The following CADM2 variants were observed in gnomAD, a reference collection of about 807,000 sequenced individuals.
The protein encoded by CADM2 is immunoglobulin superfamily member 4D.
In CADM2, 12 loss-of-function variants were observed where a neutral mutation model predicts 49.8. The observed-to-expected ratio is 0.24, with a 90% CI of 0.15 to 0.39. The LOEUF is 0.39. Ranked by LOEUF, CADM2 falls within the 10% of genes least tolerant of loss-of-function variation. CADM2 has a pLI of 1.00. For missense variants in CADM2, 378 were observed against 492.3 expected (o/e 0.77, Z 2.20); for synonymous variants, 214 against 175.4 (o/e 1.22, Z -1.74).
intron 1 of CADM2, among the ~76,000 whole-genome samples, chr3:84,982,305 C>CA (rs1227052528): frequency 1.3e-5 from 2 of 151,968 alleles, no homozygotes; most frequent in Middle Eastern, 3.5e-3. Flanking sequence ...AAATGGACTC[C>CA]AAATTTTAGT....
chr3:85,367,539 A>C (rs2032874048), intron 1 of CADM2, among the ~76,000 whole-genome samples: 1 of 151,876 alleles, frequency 6.6e-6, no homozygotes, highest in African/African-American at 2.4e-5. Context: ...ATTCCCAGGA[A>C]AATGCCTGAC....
At chr3:85,649,239 A>C (rs2064976815) in intron 1 of CADM2, among the ~76,000 whole-genome samples, 1 of 152,150 alleles carries the variant, frequency 6.6e-6, no homozygotes, top group East Asian at 1.9e-4. Flanking sequence ...ATCACTTTCT[A>C]ATGAAACCAC....
At chr3:85,740,997 T>G (rs1456507867) in intron 2 of CADM2, among the ~76,000 whole-genome samples, 2 of 152,162 alleles carry the variant, frequency 1.3e-5, no homozygotes, top group Non-Finnish European at 2.9e-5. Context: ...TCTTTCTTTC[T>G]CCAAATGAAC....
At position 85,633,529 on chromosome 3, in the gene CADM2, C is replaced by T. The variant is rs369264995; in HGVS notation, c.62-92993C>T. Among the ~76,000 whole-genome samples, 14 of 152,140 alleles carry T rather than the reference C, an allele frequency of 9.2e-5. No individual in the cohort carries two copies. The East Asian group carries it at 2.3e-3, about 25-fold the overall frequency. On this transcript the variant is annotated intron_variant, in intron 1 of 9. Transcript: ENST00000383699. ...AAACAATACTAATGTCCAGGCCCCTCACAAACCAATTAGATCTGAATTTTT... is the reference window on the plus strand; with the variant it reads ...AAACAATACTAATGTCCAGGCCCCTTACAAACCAATTAGATCTGAATTTTT...
intron 1 of CADM2, among the ~76,000 whole-genome samples, chr3:85,534,356 C>G (rs59491876): frequency 0.51 from 77,909 of 151,990 alleles, 23,044 homozygotes; most frequent in East Asian, 0.85. Context: ...TAAATATCCA[C>G]CTCCTCATTT....
intron 2 of CADM2, among the ~76,000 whole-genome samples, chr3:85,757,980 C>G (rs2107889295): frequency 6.6e-6 from 1 of 152,162 alleles, no homozygotes; most frequent in South Asian, 2.1e-4. Flanking sequence ...GTACCACAGA[C>G]CAACAGATGG....
chr3:85,747,631 G>A lies in CADM2; in HGVS notation c.88+21083G>A, dbSNP rs6788960. On this transcript the variant is annotated intron_variant, in intron 2 of 9. Transcript: ENST00000383699. ...CTATGATGTTCTGGTGCCTTATAAA[G>A]AGGATACTAAATGGGTATGACAGCA... Among the ~76,000 whole-genome samples the A allele has an allele frequency of 2.5e-3, 375 of 152,194 alleles. 1 individual carries two copies. The highest frequency in any genetic ancestry group is 8.8e-3 in the African/African-American group (364 of 41,548).
rs1302141172 is a variant in CADM2, at chr3:86,067,573, A to C, written c.*790A>C. On this transcript the variant is annotated 3_prime_UTR_variant, in exon 10 of 10. Transcript: ENST00000383699. The stretch of plus-strand genomic sequence containing the variant: ...ATTCATTTCTCTAATTTGATTCTAT[A>C]ATTTATTTGCTTCATAAAGATTCAC... The C allele has an allele frequency of 6.6e-6, 1 of 152,520 alleles. No individual in the cohort carries two copies. Among genetic ancestry groups the C allele is most frequent in the Non-Finnish European group, 1.5e-5 (1 of 67,946 alleles). 9.4% of individuals were successfully genotyped at this position (152,520 alleles called of 1,614,324 possible). A position where few individuals can be genotyped will look rare whatever the true frequency, so the allele number is the denominator to read the frequency against.
intron 1 of CADM2, among the ~76,000 whole-genome samples, chr3:85,353,391 G>T (rs371842281): frequency 6.6e-6 from 1 of 151,962 alleles, no homozygotes; most frequent in African/African-American, 2.4e-5. Context: ...CTTTGTTCTT[G>T]CCCCTTAAAA....
chr3:85,895,607 C>T (rs1715115433), intron 5 of CADM2, among the ~76,000 whole-genome samples: 1 of 152,020 alleles, frequency 6.6e-6, no homozygotes, highest in Admixed American at 6.6e-5. Context: ...AATCTGTGTC[C>T]CCATCCAAAT....
chr3:85,677,982 A>G (rs114196973), intron 1 of CADM2, among the ~76,000 whole-genome samples: 78 of 152,330 alleles, frequency 5.1e-4, no homozygotes, highest in African/African-American at 1.8e-3. Flanking sequence ...TATGCCTACA[A>G]CTATGGTTGG....
chr3:85,489,470 T>C (rs2039569646), intron 1 of CADM2, among the ~76,000 whole-genome samples: 1 of 152,120 alleles, frequency 6.6e-6, no homozygotes, highest in Non-Finnish European at 1.5e-5. Context: ...CATTTCTGCA[T>C]TGAAATAAAC....
At chr3:85,638,384 A>T (rs1457577040) in intron 1 of CADM2, among the ~76,000 whole-genome samples, 1 of 152,126 alleles carries the variant, frequency 6.6e-6, no homozygotes, top group Non-Finnish European at 1.5e-5. Context: ...ATCTCCACAA[A>T]TTGATACAAC....
At chr3:85,139,321 TA>T (rs2039509701) in intron 1 of CADM2, among the ~76,000 whole-genome samples, 1 of 152,192 alleles carries the variant, frequency 6.6e-6, no homozygotes, top group African/African-American at 2.4e-5. Context: ...TCTTTTGAAC[TA>T]TTCAATTATA....
chr3:85,533,381 T>G (rs571977155), intron 1 of CADM2, among the ~76,000 whole-genome samples: 14 of 152,214 alleles, frequency 9.2e-5, no homozygotes, highest in Non-Finnish European at 2.1e-4. Flanking sequence ...GAAACTATTA[T>G]GCATACTTTA....
rs114159864 is a variant in CADM2 at position 85,540,899 on chromosome 3, G to A, written c.62-185623G>A. On this transcript the variant is annotated intron_variant, in intron 1 of 9. Transcript: ENST00000383699. ...TGTGTCCTCACATGGTTCATCCTCC[G>A]TGTGTGTCACTTCTGTGTCTCTTTC... 8.5e-3 allele frequency among the ~76,000 whole-genome samples: 1,295 copies of A among 152,090 alleles called. 13 individuals carry two copies. Among genetic ancestry groups the A allele is most frequent in the Non-Finnish European group, 0.012 (806 of 67,972 alleles).
At chr3:85,385,844 A>G (rs570140819) in intron 1 of CADM2, 2 of 144,992 alleles carry the variant, frequency 1.4e-5, no homozygotes, top group South Asian at 2.2e-4. Flanking sequence ...GATTGTATAA[A>G]TTGAACATTC....
chr3:85,748,740 CAT>C (rs1273802698), intron 2 of CADM2, among the ~76,000 whole-genome samples: 4 of 152,078 alleles, frequency 2.6e-5, no homozygotes, highest in East Asian at 1.9e-4. Context: ...GTGTTTACCA[CAT>C]GTTTTTGTCT....
intron 1 of CADM2, among the ~76,000 whole-genome samples, chr3:85,679,728 C>T (rs538547434): frequency 6.6e-6 from 1 of 152,262 alleles, no homozygotes; most frequent in South Asian, 2.1e-4. Flanking sequence ...CTGCAGGCTG[C>T]CCGGGGCTGC....
Sources: allele counts gnomAD v4.1 joint callset (sites outside exome capture counted in the v4.1 genomes callset), GRCh38; gene constraint gnomAD v4.1.1; transcripts MANE v1.5; gene names NCBI Gene and HGNC (gene_info 2026-07-23, HGNC 2026-07-21).